The following RBMS3 variants were observed in gnomAD, a reference collection of about 807,000 sequenced individuals.
The protein encoded by RBMS3 is RNA-binding motif, single-stranded-interacting protein 3.
RBMS3 carries 27 observed loss-of-function variants against 66.8 expected under a neutral mutation model. That is an observed-to-expected ratio of 0.40 (90% CI 0.30 to 0.56). The LOEUF (loss-of-function observed/expected upper bound fraction) is 0.56. RBMS3 is among the 20% of genes least tolerant of loss of function. The pLI is 0.40. For synonymous variants in RBMS3, 188 were observed against 183.0 expected (o/e 1.03, Z -0.22); for missense variants, 513 against 549.5 (o/e 0.93, Z 0.66).
intron 4 of RBMS3, among the ~76,000 whole-genome samples, chr3:29,622,064 G>A (rs774172577): frequency 3.3e-5 from 5 of 151,884 alleles, no homozygotes; most frequent in African/African-American, 7.3e-5. Context: ...TAAAGGATCC[G>A]GTGAACTCTA....
intron 6 of RBMS3, among the ~76,000 whole-genome samples, chr3:29,816,829 C>T (rs535713871): frequency 5.9e-5 from 9 of 152,222 alleles, no homozygotes; most frequent in East Asian, 3.9e-4. Flanking sequence ...TGGTGGCTCA[C>T]GACTGTAATT....
intron 4 of RBMS3, among the ~76,000 whole-genome samples, chr3:29,736,032 A>G (rs2054364612): frequency 6.6e-6 from 1 of 152,228 alleles, no homozygotes. Flanking sequence ...TCTTTGTTTC[A>G]TAGTGCCAAT....
At chr3:29,599,691 A>C (rs1461518582) in intron 4 of RBMS3, among the ~76,000 whole-genome samples, 1 of 152,148 alleles carries the variant, frequency 6.6e-6, no homozygotes, top group Admixed American at 6.6e-5. Flanking sequence ...TGTAGCAGGG[A>C]GGCTTGGTTA....
intron 4 of RBMS3, among the ~76,000 whole-genome samples, chr3:29,666,111 G>A (rs1041719096): frequency 2.6e-4 from 39 of 152,096 alleles, no homozygotes; most frequent in African/African-American, 8.7e-4. Context: ...GCCTGGATGG[G>A]TATTCTCCCG....
At chr3:29,817,418 T>G (rs1339995106) in intron 6 of RBMS3, among the ~76,000 whole-genome samples, 1 of 152,092 alleles carries the variant, frequency 6.6e-6, no homozygotes, top group African/African-American at 2.4e-5. Context: ...TTGGCCAGGC[T>G]GATCTCAAAC....
intron 3 of RBMS3, among the ~76,000 whole-genome samples, chr3:29,496,864 T>C (rs2043772277): frequency 6.6e-6 from 1 of 152,196 alleles, no homozygotes; most frequent in South Asian, 2.1e-4. Flanking sequence ...AATATACATA[T>C]TAGACAAAAG....
At chr3:29,892,478 T>C (rs2060023203) in intron 8 of RBMS3, among the ~76,000 whole-genome samples, 1 of 151,394 alleles carries the variant, frequency 6.6e-6, no homozygotes, top group African/African-American at 2.4e-5. Flanking sequence ...TCTCCTCCAG[T>C]TGCGATAACA....
chr3:29,293,161 A>G (rs1013955267), intron 1 of RBMS3, among the ~76,000 whole-genome samples: 3 of 151,836 alleles, frequency 2.0e-5, no homozygotes, highest in African/African-American at 7.2e-5. Flanking sequence ...GATGTTTTTC[A>G]GAAAGAGTCA....
At chr3:29,871,201 A>C (rs2059483392) in intron 7 of RBMS3, among the ~76,000 whole-genome samples, 1 of 152,100 alleles carries the variant, frequency 6.6e-6, no homozygotes, top group Admixed American at 6.6e-5. Flanking sequence ...CCACACTTTA[A>C]AGCTTCTGAA....
intron 14 of RBMS3, chr3:29,991,478 G>A: frequency 2.3e-6 from 1 of 425,636 alleles, no homozygotes. Context: ...TTGGATGTGT[G>A]ATGGAAGTGA....
chr3:29,920,397 C>G (rs371872797), intron 10 of RBMS3, among the ~76,000 whole-genome samples: 24 of 152,014 alleles, frequency 1.6e-4, no homozygotes, highest in Non-Finnish European at 3.2e-4. Context: ...AAAAGAATGC[C>G]AAACTAAGCA....
At chr3:29,880,905 C>T in intron 7 of RBMS3, 1 of 1,313,882 alleles carries the variant, frequency 7.6e-7, no homozygotes, top group Non-Finnish European at 1.1e-6. Flanking sequence ...AAGGTACCTA[C>T]TCTAGTTACT....
intron 1 of RBMS3, among the ~76,000 whole-genome samples, chr3:29,282,885 T>C (rs989566309): frequency 2.6e-5 from 4 of 152,154 alleles, no homozygotes; most frequent in African/African-American, 9.7e-5. Flanking sequence ...TAAACCAGAC[T>C]GGGAAGCAGA....
chr3:29,674,065 G>A (rs745604548), intron 4 of RBMS3, among the ~76,000 whole-genome samples: 6 of 152,236 alleles, frequency 3.9e-5, no homozygotes, highest in Non-Finnish European at 8.8e-5. Flanking sequence ...ATGATCAAGT[G>A]GGCTTTATTC....
chr3:29,710,871 T>A (rs1406231610), intron 4 of RBMS3, among the ~76,000 whole-genome samples: 4 of 152,224 alleles, frequency 2.6e-5, no homozygotes, highest in Non-Finnish European at 5.9e-5. Context: ...ATTTCTGAAA[T>A]TTTCAGTATA....
At chr3:29,549,744 T>C (rs1559460246) in intron 3 of RBMS3, among the ~76,000 whole-genome samples, 1 of 151,826 alleles carries the variant, frequency 6.6e-6, no homozygotes, top group Non-Finnish European at 1.5e-5. Flanking sequence ...CTAGCAGGAA[T>C]ATATGGAATG....
chr3:29,589,046 A>G (rs2047633530), intron 4 of RBMS3, among the ~76,000 whole-genome samples: 1 of 152,120 alleles, frequency 6.6e-6, no homozygotes, highest in South Asian at 2.1e-4. Context: ...AATCTCCACC[A>G]TTTCAAATGT....
chr3:29,388,100 C>A (rs566264094), intron 1 of RBMS3, among the ~76,000 whole-genome samples: 1 of 149,164 alleles, frequency 6.7e-6, no homozygotes, highest in South Asian at 2.1e-4. Context: ...CACACACACA[C>A]ACACACACAC....
At chr3:29,931,809 T>C (rs2061134067) in intron 10 of RBMS3, among the ~76,000 whole-genome samples, 1 of 152,156 alleles carries the variant, frequency 6.6e-6, no homozygotes. Flanking sequence ...CTGTTGCTAT[T>C]AGGTATTTGT....
Sources: allele counts gnomAD v4.1 joint callset (sites outside exome capture counted in the v4.1 genomes callset), GRCh38; gene constraint gnomAD v4.1.1; transcripts MANE v1.5; gene names NCBI Gene and HGNC (gene_info 2026-07-23, HGNC 2026-07-21).